Variants in DMTF1 observed in about 807,000 individuals in gnomAD.
The protein encoded by DMTF1 is cyclin-D-binding Myb-like transcription factor 1.
Under a neutral mutation model 91.1 loss-of-function variants are expected in DMTF1, and 39 were observed. The ratio of observed to expected loss-of-function variants is 0.43; its 90% confidence interval spans 0.33 to 0.56. The LOEUF (loss-of-function observed/expected upper bound fraction) is 0.56, where lower values mean the gene tolerates loss of function less well. DMTF1 is among the 20% of genes least tolerant of loss of function. DMTF1 has a pLI of 0.05. For missense variants in DMTF1, 750 were observed against 914.5 expected (o/e 0.82, Z 2.32); for synonymous variants, 338 against 309.5 (o/e 1.09, Z -0.97).
intron 16 of DMTF1, 50 bp downstream of exon 16, chr7:87,194,152 A>G (rs1403450103): frequency 1.3e-6 from 2 of 1,505,426 alleles, no homozygotes; most frequent in East Asian, 2.3e-5. Context: ...TTGAGCCTCA[A>G]ACCTGCAGTT....
intron 14 of DMTF1, among the ~76,000 whole-genome samples, chr7:87,191,614 TA>T (rs1202793515): frequency 2.6e-5 from 4 of 152,098 alleles, no homozygotes; most frequent in African/African-American, 9.7e-5. Context: ...AGCAATGAAA[TA>T]CTGAAACATG....
rs183389575 is a variant in DMTF1, at chr7:87,193,454, C to G, written c.1650+101C>G. ...GTAGTTATCTAAACAGTTCTTCCTA[C>G]TGCTGCTGTTCCAGGCACAGTGTTA... On this transcript the variant is annotated intron_variant, in intron 15 of 17. Coordinates refer to ENST00000331242, the MANE Select transcript of DMTF1 (RefSeq NM_001142327.2). 4.7e-5 allele frequency: 58 copies of G among 1,226,336 alleles called. No homozygotes were observed. In the East Asian group the frequency reaches 1.0e-3, roughly 22 times the overall value. The allele number at this position is 1,226,336 out of a possible 1,614,324, so 76.0% of individuals were successfully genotyped here. A position where few individuals can be genotyped will look rare whatever the true frequency, so the allele number is the denominator to read the frequency against.
chr7:87,171,625 A>C lies in DMTF1; in HGVS notation c.327+536A>C, dbSNP rs76725058. The stretch of plus-strand genomic sequence containing the variant: ...AGGTCTTCAGTGGGCTGAATATTTT[A>C]ATTTCTAAGCCTTATATATACATTA... On this transcript the variant is annotated intron_variant, in intron 5 of 17. Transcript: ENST00000331242. 4.5e-4 allele frequency among the ~76,000 whole-genome samples: 69 copies of C among 152,270 alleles called. No individual in the cohort carries two copies. The East Asian group carries it at 0.013, about 28-fold the overall frequency.
At position 87,194,027 on chromosome 7, in the gene DMTF1, A is replaced by G. The variant is rs1800546627; in HGVS notation, c.1953A>G (p.Thr651=). The change falls in exon 16 of 18, where the codon ACA becomes ACG. Residue 651 remains threonine, a synonymous_variant. Transcript: ENST00000331242. Reference sequence around the variant, plus strand: ...TGATGAATAGTGTTATGGTCAGAACAGAAGAAGAAATCTCTGACACCGACC... The same window carrying G: ...TGATGAATAGTGTTATGGTCAGAACGGAAGAAGAAATCTCTGACACCGACC... ...TELMNSVMVR[T]EEEISDTDLK... The G allele has an allele frequency of 6.2e-7, 1 of 1,612,014 alleles. No individual in the cohort carries two copies.
Position 87,193,262 on chromosome 7 carries a change from G to T in DMTF1, c.1559G>T (p.Gly520Val), listed in dbSNP as rs1168708763. The T allele has an allele frequency of 6.2e-7, 1 of 1,613,408 alleles. No homozygotes were observed. Among genetic ancestry groups the T allele is most frequent in the East Asian group, 2.2e-5 (1 of 44,864 alleles). Reference protein sequence around the residue: ...TYLLQTSSSQGLPLTLTASPT... With the variant: ...TYLLQTSSSQVLPLTLTASPT... ...CTACTTCAAACAAGCTCAAGCCAAG[G>T]CCTTCCCCTAACTCTGACTGCTAGT... The change falls in exon 15 of 18, where the codon GGC becomes GTC. Residue 520 changes from glycine (G) to valine (V), a missense_variant. Around this residue, in one of 3 missense-constraint regions of DMTF1, gnomAD observed 410 missense variants for 420.2 expected, o/e 0.98. Coordinates refer to ENST00000331242, the MANE Select transcript of DMTF1 (RefSeq NM_001142327.2).
At chr7:87,172,347 A>T (rs1795266210) in intron 5 of DMTF1, among the ~76,000 whole-genome samples, 1 of 152,242 alleles carries the variant, frequency 6.6e-6, no homozygotes, top group African/African-American at 2.4e-5. Flanking sequence ...AGTGATTTCC[A>T]GCTTTTTGCC....
chr7:87,193,700 T>A (rs200484108), intron 15 of DMTF1, 25 bp from the exon 16 acceptor site: 1 of 1,559,566 alleles, frequency 6.4e-7, no homozygotes, highest in East Asian at 2.2e-5. Flanking sequence ...TTTACAACTT[T>A]AACAGGTTCT....
chr7:87,169,934 AC>A (rs1373159965), intron 4 of DMTF1, among the ~76,000 whole-genome samples: 1 of 152,174 alleles, frequency 6.6e-6, no homozygotes, highest in African/African-American at 2.4e-5. Context: ...GGTTTTAAAT[AC>A]TATCTGGTGT....
intron 4 of DMTF1, among the ~76,000 whole-genome samples, chr7:87,168,359 C>T (rs1584276563): frequency 1.3e-5 from 2 of 152,210 alleles, no homozygotes; most frequent in South Asian, 2.1e-4. Flanking sequence ...TTATTACTCC[C>T]TTTACCACTC....
rs758721239 is a variant in DMTF1, at chr7:87,182,233, G to A, written c.716G>A (p.Arg239Gln). 5 of 1,614,058 alleles carry A rather than the reference G, an allele frequency of 3.1e-6. No homozygotes were observed. Among genetic ancestry groups the A allele is most frequent in the South Asian group, 1.1e-5 (1 of 91,082 alleles). Residue 239 changes from arginine (R) to glutamine (Q), a missense_variant, in exon 10 of 18, where the codon CGG becomes CAG. By Grantham distance (43) the Arg-to-Gln change is conservative. Transcript: ENST00000331242. ...PEEIEKLKEL[R>Q]IKHGNDWATI... The stretch of plus-strand genomic sequence containing the variant: ...TTGGCAGACTCTTGTTTTAGGCTCC[G>A]GATAAAGCATGGCAATGACTGGGCA...
rs184504609 is a variant in DMTF1 at position 87,181,592 on chromosome 7, A to G, written c.710+251A>G. ...CAGACCACTAATAGGGGTTCCAGAA[A>G]AGATTAAGGGGCCATTTTTGGTAGC... On this transcript the variant is annotated intron_variant, in intron 9 of 17. Coordinates refer to ENST00000331242, the MANE Select transcript of DMTF1 (RefSeq NM_001142327.2). Among the ~76,000 whole-genome samples the G allele has an allele frequency of 2.4e-4, 36 of 152,270 alleles. No individual in the cohort carries two copies. The East Asian group carries it at 3.7e-3, about 16-fold the overall frequency.
Position 87,195,160 on chromosome 7 carries a change from C to A in DMTF1, c.*20C>A. On this transcript the variant is annotated 3_prime_UTR_variant, in exon 18 of 18. Coordinates refer to ENST00000331242, the MANE Select transcript of DMTF1 (RefSeq NM_001142327.2). ...CATTAGAATAATTCTTAGAAATAGGCAGTTCAAGCAAAGAAGGCACACTGT... is the reference window on the plus strand; with the variant it reads ...CATTAGAATAATTCTTAGAAATAGGAAGTTCAAGCAAAGAAGGCACACTGT... 6.5e-7 allele frequency: 1 copy of A among 1,541,736 alleles called. No homozygotes were observed. The highest frequency in any genetic ancestry group is 9.0e-7 in the Non-Finnish European group (1 of 1,116,840).
At chr7:87,161,921 A>G (rs945649060) in intron 1 of DMTF1, among the ~76,000 whole-genome samples, 1 of 152,240 alleles carries the variant, frequency 6.6e-6, no homozygotes, top group African/African-American at 2.4e-5. Context: ...ATGATTGAAA[A>G]GTTCGAAATT....
chr7:87,166,337 A>G (rs1215781772), intron 3 of DMTF1, 146 bp from the exon 4 acceptor site: 2 of 728,072 alleles, frequency 2.7e-6, no homozygotes, highest in African/African-American at 1.8e-5. Flanking sequence ...GTCCTTTTGA[A>G]TCCTGTTTGC....
chr7:87,165,403 T>C (rs1197634038), intron 3 of DMTF1, among the ~76,000 whole-genome samples: 1 of 152,192 alleles, frequency 6.6e-6, no homozygotes, highest in African/African-American at 2.4e-5. Context: ...TACACAATCA[T>C]TTCAGTATGA....
chr7:87,161,001 C>A (rs771715413), intron 1 of DMTF1, among the ~76,000 whole-genome samples: 1 of 152,074 alleles, frequency 6.6e-6, no homozygotes, highest in African/African-American at 2.4e-5. Context: ...ATTTAACTCT[C>A]AGTTTGACAT....
Position 87,190,933 on chromosome 7 carries a change from T to C in DMTF1, c.1412-12T>C. 6.2e-7 allele frequency: 1 copy of C among 1,604,252 alleles called. No homozygotes were observed. Among genetic ancestry groups the C allele is most frequent in the Middle Eastern group, 1.7e-4 (1 of 6,016 alleles). On this transcript the variant is annotated splice_polypyrimidine_tract_variant and intron_variant, in intron 13 of 17. Coordinates refer to ENST00000331242, the MANE Select transcript of DMTF1 (RefSeq NM_001142327.2). ...ATTATTCTTACCACAGCTTACCTTA[T>C]TCTTACCACAGCTTCAGCAGACTCT... is the stretch of plus-strand genomic sequence containing the variant.
chr7:87,195,257 T>A lies in DMTF1; in HGVS notation c.*117T>A. On this transcript the variant is annotated 3_prime_UTR_variant, in exon 18 of 18. Coordinates refer to ENST00000331242, the MANE Select transcript of DMTF1 (RefSeq NM_001142327.2). ...AATTTACCAATTTAAATAGCCACAG[T>A]CCTTAAGCCACACACATTGTTGCTG... 1.5e-6 allele frequency: 1 copy of A among 672,718 alleles called. No individual in the cohort carries two copies. The highest frequency in any genetic ancestry group is 2.6e-6 in the Non-Finnish European group (1 of 391,216). The allele number at this position is 672,718 out of a possible 1,614,324, so 41.7% of individuals were successfully genotyped here. A position where few individuals can be genotyped will look rare whatever the true frequency, so the allele number is the denominator to read the frequency against.
At position 87,179,587 on chromosome 7, in the gene DMTF1, T is replaced by C; in HGVS notation, c.562T>C (p.Ser188Pro). 6.4e-7 allele frequency: 1 copy of C among 1,562,056 alleles called. No homozygotes were observed. The highest frequency in any genetic ancestry group is 8.6e-7 in the Non-Finnish European group (1 of 1,163,624). ...KDATEIIFEM[S>P]KDERKDFYRT... Reference sequence around the variant, plus strand: ...TGCTACAGAAATCATCTTTGAGATGTCAAAAGACGAAAGAAAAGATTTCTA... The same window carrying C: ...TGCTACAGAAATCATCTTTGAGATGCCAAAAGACGAAAGAAAAGATTTCTA... The change falls in exon 8 of 18, where the codon TCA becomes CCA. Residue 188 changes from serine to proline, a missense_variant. Transcript: ENST00000331242.
Sources: gnomAD v4.1 joint callset for allele counts (sites outside exome capture counted in the v4.1 genomes callset) on GRCh38, gnomAD v4.1.1 for gene constraint, gnomAD v4.1.1 regional missense constraint, MANE v1.5 for transcripts, NCBI Gene and HGNC (gene_info 2026-07-23, HGNC 2026-07-21) for gene names.